The following KCNQ3 variants were observed in gnomAD, a reference collection of about 807,000 sequenced individuals.
KCNQ3 encodes potassium voltage-gated channel subfamily Q member 3, also known as potassium voltage-gated channel subfamily KQT member 3.
Under a neutral mutation model 92.5 loss-of-function variants are expected in KCNQ3, and 30 were observed. The ratio of observed to expected loss-of-function variants is 0.32; its 90% CI spans 0.24 to 0.44. The LOEUF (loss-of-function observed/expected upper bound fraction) is 0.44. KCNQ3 is among the 20% of genes least tolerant of loss of function. KCNQ3 has a pLI of 1.00. For missense variants in KCNQ3, 913 were observed against 1,140.3 expected (o/e 0.80, Z 2.87); for synonymous variants, 450 against 468.8 (o/e 0.96, Z 0.52).
Position 132,129,652 on chromosome 8 carries a change from C to G in KCNQ3, c.2229G>C (p.Glu743Asp). The G allele has an allele frequency of 6.2e-7, 1 of 1,614,178 alleles. No homozygotes were observed. Among genetic ancestry groups the G allele is most frequent in the South Asian group, 1.1e-5 (1 of 91,074 alleles). ...TPPSSATTYV[E>D]RPTVLPILTL... is the part of the protein sequence containing the mutation. The stretch of plus-strand genomic sequence containing the variant: ...TCAAGATAGGCAGGACCGTGGGCCT[C>G]TCCACATACGTTGTTGCTGAGGAAG... The change falls in exon 15 of 15, where the codon GAG (glutamate) becomes GAC (aspartate). Residue 743 changes from glutamate to aspartate, a missense_variant. Physicochemically the swap from Glu to Asp is conservative, Grantham distance 45 (BLOSUM62 2). Coordinates refer to ENST00000388996, the MANE Select transcript of KCNQ3 (RefSeq NM_004519.4). The surrounding 1 kb of genome is among the most constrained non-coding windows in gnomAD (Gnocchi z 5.9).
intron 1 of KCNQ3, among the ~76,000 whole-genome samples, chr8:132,305,127 T>C (rs757543567): frequency 2.0e-5 from 3 of 152,140 alleles, no homozygotes; most frequent in Non-Finnish European, 4.4e-5. Context: ...GTTTGGTTAA[T>C]GGAAGTGAGA....
chr8:132,388,890 T>C (rs1250538659), intron 1 of KCNQ3, among the ~76,000 whole-genome samples: 2 of 152,212 alleles, frequency 1.3e-5, no homozygotes, highest in Admixed American at 1.3e-4. Context: ...CTGATTCCAT[T>C]CTATGATTTG....
At chr8:132,257,603 T>C (rs1815631637) in intron 1 of KCNQ3, among the ~76,000 whole-genome samples, 1 of 151,612 alleles carries the variant, frequency 6.6e-6, no homozygotes, top group South Asian at 2.1e-4. Flanking sequence ...AAAAATTAGC[T>C]GGGTGTGGTG....
chr8:132,286,347 A>T (rs1816679824), intron 1 of KCNQ3, among the ~76,000 whole-genome samples: 1 of 152,214 alleles, frequency 6.6e-6, no homozygotes, highest in Admixed American at 6.5e-5. Context: ...TCAGGAGGCA[A>T]CACATAGAGT....
chr8:132,440,556 G>A (rs892403387), intron 1 of KCNQ3, among the ~76,000 whole-genome samples: 4 of 152,284 alleles, frequency 2.6e-5, no homozygotes, highest in South Asian at 2.1e-4. Flanking sequence ...ATTGTGCAGC[G>A]TAGTTCTCCA....
At chr8:132,282,645 T>G (rs1179758157) in intron 1 of KCNQ3, among the ~76,000 whole-genome samples, 2 of 152,224 alleles carry the variant, frequency 1.3e-5, no homozygotes, top group Non-Finnish European at 2.9e-5. Flanking sequence ...CCAGGGCTGC[T>G]TGGCATAGGG....
At chr8:132,174,552 C>A (rs927190246) in intron 5 of KCNQ3, among the ~76,000 whole-genome samples, 5 of 152,208 alleles carry the variant, frequency 3.3e-5, no homozygotes, top group African/African-American at 1.2e-4. Context: ...GGGTTTCCTA[C>A]CTTAGTCAGT....
chr8:132,446,118 C>T (rs1821668931), intron 1 of KCNQ3, among the ~76,000 whole-genome samples: 1 of 152,106 alleles, frequency 6.6e-6, no homozygotes, highest in African/African-American at 2.4e-5. Context: ...AGCTGGGTTA[C>T]TGTTTGCCTC....
At chr8:132,470,593 T>TAA (rs1822275966) in intron 1 of KCNQ3, among the ~76,000 whole-genome samples, 1 of 152,222 alleles carries the variant, frequency 6.6e-6, no homozygotes, top group African/African-American at 2.4e-5. Flanking sequence ...TCCACTTACA[T>TAA]AACCACAATG....
intron 1 of KCNQ3, among the ~76,000 whole-genome samples, chr8:132,436,920 T>C (rs1821408554): frequency 6.6e-6 from 1 of 152,152 alleles, no homozygotes; most frequent in Non-Finnish European, 1.5e-5. Context: ...TTTGGCCTGC[T>C]GTCATTTTCA....
chr8:132,178,707 T>C (rs77070227), intron 4 of KCNQ3, among the ~76,000 whole-genome samples: 8,740 of 152,010 alleles, frequency 0.057, 371 homozygotes, highest in South Asian at 0.12. Context: ...TCAACGTATC[T>C]AGGTGCATCC....
At chr8:132,340,361 C>A (rs565586432) in intron 1 of KCNQ3, among the ~76,000 whole-genome samples, 1 of 152,234 alleles carries the variant, frequency 6.6e-6, no homozygotes, top group South Asian at 2.1e-4. Flanking sequence ...GGAACCAACC[C>A]GAATGCCTGT....
At chr8:132,399,660 C>T (rs1820285369) in intron 1 of KCNQ3, among the ~76,000 whole-genome samples, 1 of 152,152 alleles carries the variant, frequency 6.6e-6, no homozygotes, top group South Asian at 2.1e-4. Flanking sequence ...CTAACAATTC[C>T]ACTAGAATTA....
intron 1 of KCNQ3, among the ~76,000 whole-genome samples, chr8:132,225,996 G>T (rs186828521): frequency 4.1e-4 from 63 of 152,258 alleles, no homozygotes; most frequent in African/African-American, 1.5e-3. Context: ...TTTTGGCCAG[G>T]CATGGTGGCT....
At chr8:132,412,310 T>C (rs1402363114) in intron 1 of KCNQ3, among the ~76,000 whole-genome samples, 2 of 152,028 alleles carry the variant, frequency 1.3e-5, no homozygotes, top group African/African-American at 2.4e-5. Flanking sequence ...TAAGTCTCTA[T>C]GGGGCTTAGG....
At chr8:132,305,306 T>G (rs548313610) in intron 1 of KCNQ3, among the ~76,000 whole-genome samples, 1 of 152,208 alleles carries the variant, frequency 6.6e-6, no homozygotes, top group East Asian at 1.9e-4. Context: ...TAACTCTGTA[T>G]GAACTTTTAT....
At chr8:132,132,938 T>C (rs2130929130) in intron 13 of KCNQ3, among the ~76,000 whole-genome samples, 1 of 152,336 alleles carries the variant, frequency 6.6e-6, no homozygotes, top group South Asian at 2.1e-4. Context: ...ACTTTCTCAA[T>C]AGTTGATTTC....
At chr8:132,142,626 CT>C (rs1240646216) in intron 9 of KCNQ3, among the ~76,000 whole-genome samples, 1 of 152,186 alleles carries the variant, frequency 6.6e-6, no homozygotes, top group Non-Finnish European at 1.5e-5. Context: ...CTTCTGCTCC[CT>C]TACCCCACAC....
intron 1 of KCNQ3, among the ~76,000 whole-genome samples, chr8:132,193,851 G>A (rs1827230664): frequency 6.6e-6 from 1 of 152,192 alleles, no homozygotes; most frequent in African/African-American, 2.4e-5. Context: ...TGGAGCCTTG[G>A]AAGAGAATCT....
Sources: allele counts gnomAD v4.1 joint callset (sites outside exome capture counted in the v4.1 genomes callset), GRCh38; gene constraint gnomAD v4.1.1; non-coding constraint Gnocchi (gnomAD v3.1); transcripts MANE v1.5; gene names NCBI Gene and HGNC (gene_info 2026-07-23, HGNC 2026-07-21).